Variants in RBFOX1 observed in about 807,000 individuals in gnomAD.
RBFOX1 encodes the protein RNA binding protein fox-1 homolog 1.
Under a neutral mutation model 57.7 loss-of-function variants are expected in RBFOX1, and 8 were observed. The observed-to-expected ratio is 0.14, with a 90% CI of 0.08 to 0.25. RBFOX1 has a LOEUF of 0.25. Ranked by LOEUF, RBFOX1 falls within the 10% of genes least tolerant of loss-of-function variation. RBFOX1 has a pLI of 1.00. For missense variants in RBFOX1, 611 were observed against 548.5 expected (o/e 1.11, Z -1.14); for synonymous variants, 326 against 222.4 (o/e 1.47, Z -4.15).
chr16:5,504,499 C>T (rs962571214), intron 2 of RBFOX1, among the ~76,000 whole-genome samples: 14 of 152,214 alleles, frequency 9.2e-5, no homozygotes, highest in African/African-American at 2.9e-4. Flanking sequence ...CACACACGCA[C>T]GATCATAAAA....
chr16:6,237,867 G>C (rs567003546), intron 1 of RBFOX1, among the ~76,000 whole-genome samples: 1 of 152,022 alleles, frequency 6.6e-6, no homozygotes, highest in African/African-American at 2.4e-5. Flanking sequence ...GCCAAGGTGG[G>C]CGGGTCAGGA....
intron 1 of RBFOX1, among the ~76,000 whole-genome samples, chr16:6,152,174 A>G (rs1026556611): frequency 1.3e-5 from 2 of 152,216 alleles, no homozygotes; most frequent in Non-Finnish European, 2.9e-5. Context: ...TGTAAAATAT[A>G]TGCTGGCATA....
intron 3 of RBFOX1, chr16:7,003,900 C>A (rs1340017812): frequency 6.6e-6 from 1 of 151,018 alleles, no homozygotes; most frequent in Non-Finnish European, 1.5e-5. Context: ...TTCAGTGGGT[C>A]AATGAAATGG....
At position 7,094,763 on chromosome 16, in the gene RBFOX1, T is replaced by TGTGG. The variant is rs1555466418; in HGVS notation, c.27+42668_27+42669insGGTG. Reference sequence around the variant, plus strand: ...GTACAGCTGTGTGTGTGTGTGTGTGTGTGTGTGTGTGTGGGTGTGTGTGTG... The same window carrying TGTGG: ...GTACAGCTGTGTGTGTGTGTGTGTGTGTGGGTGTGTGTGTGTGGGTGTGTGTGTG... On this transcript the variant is annotated intron_variant, in intron 4 of 15. Transcript: ENST00000550418. Among the ~76,000 whole-genome samples, 415 of 138,832 alleles carry TGTGG rather than the reference T, an allele frequency of 3.0e-3. 2 individuals carry two copies. The highest frequency in any genetic ancestry group is 5.1e-3 in the Non-Finnish European group (319 of 62,046). The allele number at this position is 138,832 out of a possible 152,430, so 91.1% of individuals were successfully genotyped here.
chr16:6,697,236 G>T (rs1217833831), intron 3 of RBFOX1, among the ~76,000 whole-genome samples: 1 of 152,170 alleles, frequency 6.6e-6, no homozygotes, highest in Non-Finnish European at 1.5e-5. Flanking sequence ...GGTAGCTGCA[G>T]TAGTGGACCA....
At chr16:7,212,518 A>G (rs544498395) in intron 4 of RBFOX1, among the ~76,000 whole-genome samples, 18 of 152,144 alleles carry the variant, frequency 1.2e-4, no homozygotes, top group Non-Finnish European at 2.1e-4. Flanking sequence ...GGGTTTCTCA[A>G]CAGCACCAGA....
At chr16:7,049,752 C>T (rs554294744) in intron 3 of RBFOX1, among the ~76,000 whole-genome samples, 3 of 152,262 alleles carry the variant, frequency 2.0e-5, no homozygotes, top group African/African-American at 7.2e-5. Flanking sequence ...GCATTCTATA[C>T]AGATTTCCTT....
chr16:5,530,934 A>T (rs1325830405), intron 2 of RBFOX1, among the ~76,000 whole-genome samples: 8 of 6,110 alleles, frequency 1.3e-3, no homozygotes, highest in South Asian at 9.3e-3. Flanking sequence ...CTAAAAATAT[A>T]AAAAAAAAAA....
At chr16:7,600,939 T>C (rs1449742009) in intron 9 of RBFOX1, among the ~76,000 whole-genome samples, 7 of 152,174 alleles carry the variant, frequency 4.6e-5, no homozygotes, top group African/African-American at 1.7e-4. Context: ...AAGAGGGGAT[T>C]GGACTATTTC....
intron 3 of RBFOX1, among the ~76,000 whole-genome samples, chr16:6,800,378 G>C (rs1005945721): frequency 2.0e-5 from 3 of 152,080 alleles, no homozygotes; most frequent in African/African-American, 7.2e-5. Context: ...TAAGGAAGTG[G>C]TTTCCTACTC....
At chr16:7,370,919 A>G (rs1264129604) in intron 4 of RBFOX1, among the ~76,000 whole-genome samples, 1 of 152,220 alleles carries the variant, frequency 6.6e-6, no homozygotes, top group Admixed American at 6.5e-5. Context: ...TGGTGACTGC[A>G]GCCAGGGTGA....
chr16:6,924,041 G>A (rs373002309), intron 3 of RBFOX1, among the ~76,000 whole-genome samples: 5 of 151,864 alleles, frequency 3.3e-5, no homozygotes, highest in South Asian at 2.1e-4. Flanking sequence ...ATGGTGGTAC[G>A]TACCTGTAGT....
chr16:7,608,639 C>T (rs930154007), intron 10 of RBFOX1, among the ~76,000 whole-genome samples: 2 of 152,214 alleles, frequency 1.3e-5, no homozygotes, highest in African/African-American at 4.8e-5. Context: ...CAAATTCTGC[C>T]TCCCCTACTC....
chr16:5,293,194 G>A (rs12447933), intron 1 of RBFOX1, among the ~76,000 whole-genome samples: 48,837 of 151,698 alleles, frequency 0.32, 8,574 homozygotes, highest in Admixed American at 0.47. Context: ...GGTGGTGCAC[G>A]CCTGTAATCC....
At chr16:7,538,865 C>T (rs550945747) in intron 5 of RBFOX1, among the ~76,000 whole-genome samples, 73 of 150,148 alleles carry the variant, frequency 4.9e-4, no homozygotes, top group Middle Eastern at 3.4e-3. Flanking sequence ...ACCCCCACCC[C>T]GCCACTCAAT....
At chr16:6,900,084 G>C (rs1019028354) in intron 3 of RBFOX1, among the ~76,000 whole-genome samples, 3 of 152,146 alleles carry the variant, frequency 2.0e-5, no homozygotes, top group Admixed American at 6.5e-5. Flanking sequence ...AAAATGCTTA[G>C]AACAGTTCCT....
intron 3 of RBFOX1, among the ~76,000 whole-genome samples, chr16:6,693,735 C>T (rs969115080): frequency 1.1e-4 from 16 of 151,866 alleles, no homozygotes; most frequent in African/African-American, 3.6e-4. Flanking sequence ...CCATCATCCT[C>T]ATCCTCATCC....
chr16:7,060,015 A>G (rs1222341947), intron 4 of RBFOX1, among the ~76,000 whole-genome samples: 1 of 152,222 alleles, frequency 6.6e-6, no homozygotes, highest in African/African-American at 2.4e-5. Flanking sequence ...GCCCTCAGAA[A>G]TGTGGAAAGA....
intron 2 of RBFOX1, among the ~76,000 whole-genome samples, chr16:6,363,591 C>T (rs968314894): frequency 6.6e-6 from 1 of 152,196 alleles, no homozygotes; most frequent in African/African-American, 2.4e-5. Context: ...ATGAGTGTCA[C>T]ATTTTTGAAG....
Sources: gnomAD v4.1 joint callset for allele counts (sites outside exome capture counted in the v4.1 genomes callset) on GRCh38, gnomAD v4.1.1 for gene constraint, MANE v1.5 for transcripts, NCBI Gene and HGNC (gene_info 2026-07-23, HGNC 2026-07-21) for gene names.